The following ARHGAP8 variants were observed in gnomAD, a reference collection of about 807,000 sequenced individuals.
ARHGAP8 encodes the protein Rho GTPase activating protein 8, also known as rho GTPase-activating protein 8.
Under a neutral mutation model 46.1 loss-of-function variants are expected in ARHGAP8, and 62 were observed. The ratio of observed to expected loss-of-function variants is 1.34; its 90% CI spans 1.10 to 1.66. The LOEUF is 1.66. Among genes scored for constraint, ARHGAP8 ranks in the 40% most tolerant of loss-of-function variants. The pLI is 0.00. For missense variants in ARHGAP8, 923 were observed against 568.4 expected (o/e 1.62, Z -6.34); for synonymous variants, 375 against 243.1 (o/e 1.54, Z -5.05).
At chr22:44,823,585 G>C (rs575109805) in intron 6 of ARHGAP8, among the ~76,000 whole-genome samples, 1 of 152,210 alleles carries the variant, frequency 6.6e-6, no homozygotes, top group South Asian at 2.1e-4. Flanking sequence ...AGGATGATGG[G>C]AATCCCTGGT....
At chr22:44,795,010 C>T (rs965707170) in intron 2 of ARHGAP8, among the ~76,000 whole-genome samples, 3 of 148,762 alleles carry the variant, frequency 2.0e-5, no homozygotes, top group Admixed American at 1.3e-4. Context: ...CACTGCACTC[C>T]AGCCTGGGTG....
At position 44,862,492 on chromosome 22, in the gene ARHGAP8, G is replaced by C. The variant is rs778473188; in HGVS notation, c.1199G>C (p.Arg400Thr). The C allele has an allele frequency of 6.2e-7, 1 of 1,613,612 alleles. No homozygotes were observed. The highest frequency in any genetic ancestry group is 8.5e-7 in the Non-Finnish European group (1 of 1,179,696). The part of the protein sequence containing the change: ...HGLAPWEQGS[R>T]AAPLQEAVPR... ...CTGGCACCATGGGAACAGGGGAGCA[G>C]GGCAGCCCCTTTGCAGGAGGCTGTG... The change falls in exon 12 of 12, where the codon AGG (arginine) becomes ACG (threonine). Residue 400 changes from arginine to threonine, a missense_variant. Transcript: ENST00000356099.
chr22:44,843,144 A>G (rs1931760835), intron 7 of ARHGAP8, among the ~76,000 whole-genome samples: 1 of 152,184 alleles, frequency 6.6e-6, no homozygotes, highest in African/African-American at 2.4e-5. Flanking sequence ...TTCCTTATCC[A>G]TGAAGTGGGT....
At chr22:44,814,812 G>T in intron 5 of ARHGAP8, 54 bp downstream of exon 5, 1 of 1,593,346 alleles carries the variant, frequency 6.3e-7, no homozygotes, top group Non-Finnish European at 8.6e-7. Flanking sequence ...TCACCCCTCA[G>T]GGTCCATGGG....
At chr22:44,839,783 T>G (rs187097206) in intron 7 of ARHGAP8, among the ~76,000 whole-genome samples, 1 of 152,342 alleles carries the variant, frequency 6.6e-6, no homozygotes, top group Admixed American at 6.5e-5. Flanking sequence ...CCGTTACCTG[T>G]TACCACTTCA....
At chr22:44,827,341 T>TTTTTG (rs1930600933) in intron 7 of ARHGAP8, among the ~76,000 whole-genome samples, 1 of 102,530 alleles carries the variant, frequency 9.8e-6, no homozygotes, top group Non-Finnish European at 1.9e-5. Flanking sequence ...TGGTGGTTTT[T>TTTTTG]TTTTTTTTTT....
chr22:44,857,373 C>A (rs1379230418), intron 10 of ARHGAP8, among the ~76,000 whole-genome samples: 2 of 152,162 alleles, frequency 1.3e-5, no homozygotes, highest in African/African-American at 2.4e-5. Flanking sequence ...GGGTCAAAAT[C>A]TTTTCCTTCT....
chr22:44,858,843 A>G (rs1341837328), intron 10 of ARHGAP8, among the ~76,000 whole-genome samples: 2 of 151,418 alleles, frequency 1.3e-5, no homozygotes, highest in African/African-American at 4.9e-5. Flanking sequence ...AATCCTGAGC[A>G]GGCAGTTCGT....
chr22:44,756,594 A>G (rs1295820666), intron 1 of ARHGAP8, among the ~76,000 whole-genome samples: 1 of 11,588 alleles, frequency 8.6e-5, no homozygotes, highest in African/African-American at 3.3e-4. Flanking sequence ...CCCCCACCCC[A>G]TACACCTACC....
chr22:44,857,860 T>C (rs551169323), intron 10 of ARHGAP8, among the ~76,000 whole-genome samples: 50 of 152,224 alleles, frequency 3.3e-4, no homozygotes, highest in Non-Finnish European at 6.8e-4. Flanking sequence ...TGCTCCCTCA[T>C]AGGGAGTGCT....
rs1341066427 is a variant in ARHGAP8, at chr22:44,859,854, G to A, written c.981+20G>A. ...CATGCGGTGAGTGGGGAAGGGGGGA[G>A]CTTGGGGTGAAGCCCAGTGGCCTTC... On this transcript the variant is annotated intron_variant, in intron 11 of 11. Transcript: ENST00000356099. 3 of 1,610,434 alleles carry A rather than the reference G, an allele frequency of 1.9e-6. No individual in the cohort carries two copies. The highest frequency in any genetic ancestry group is 2.7e-5 in the African/African-American group (2 of 74,790).
chr22:44,786,269 G>A (rs1020187330), intron 1 of ARHGAP8, among the ~76,000 whole-genome samples, 188 bp from the exon 2 acceptor site: 1 of 151,340 alleles, frequency 6.6e-6, no homozygotes, highest in African/African-American at 2.4e-5. Context: ...CTGGGTGCTC[G>A]GCTGAGGCAG....
chr22:44,845,304 CT>C lies in ARHGAP8; in HGVS notation c.633del (p.Val212CysfsTer2), dbSNP rs773117999. On this transcript the variant is annotated frameshift_variant, in exon 8 of 12. Coordinates refer to ENST00000356099, the MANE Select transcript of ARHGAP8 (RefSeq NM_181335.3). LOFTEE classifies it high-confidence loss of function. ...KDKNQGELIP[P>X]VLRFTVTYLR... ...AAAAATCAAGGCGAACTCATCCCCCCTGTGCTGAGGTTCACAGTGACGTACC... is the reference window on the plus strand; with the variant it reads ...AAAAATCAAGGCGAACTCATCCCCCCGTGCTGAGGTTCACAGTGACGTACC... 5 of 1,614,174 alleles carry C rather than the reference CT, an allele frequency of 3.1e-6. No homozygotes were observed. Among genetic ancestry groups the C allele is most frequent in the East Asian group, 2.2e-5 (1 of 44,880 alleles).
intron 7 of ARHGAP8, among the ~76,000 whole-genome samples, chr22:44,837,813 G>A (rs1237905133): frequency 1.3e-5 from 2 of 152,066 alleles, no homozygotes; most frequent in Admixed American, 1.3e-4. Flanking sequence ...GAGTAGATGT[G>A]GGTGCTCCTC....
intron 1 of ARHGAP8, among the ~76,000 whole-genome samples, chr22:44,753,997 C>T (rs1262221947): frequency 1.3e-5 from 2 of 152,294 alleles, no homozygotes; most frequent in South Asian, 2.1e-4. Context: ...ACTAACCATT[C>T]CCCAAACCAA....
intron 5 of ARHGAP8, among the ~76,000 whole-genome samples, chr22:44,819,397 C>T (rs1173185706): frequency 1.3e-5 from 2 of 151,904 alleles, no homozygotes; most frequent in Non-Finnish European, 2.9e-5. Context: ...GTTGGCTGGG[C>T]GTGGTGGCTC....
At chr22:44,786,694 C>A in intron 2 of ARHGAP8, 88 bp downstream of exon 2, 1 of 1,492,016 alleles carries the variant, frequency 6.7e-7, no homozygotes, top group Non-Finnish European at 9.0e-7. Flanking sequence ...TCGTCAGGGG[C>A]TGCCTCACTG....
intron 1 of ARHGAP8, among the ~76,000 whole-genome samples, chr22:44,770,366 C>T (rs1925908821): frequency 1.3e-5 from 2 of 151,316 alleles, no homozygotes; most frequent in Non-Finnish European, 2.9e-5. Context: ...GAGTCATCTG[C>T]CAGGAATGCA....
chr22:44,820,308 A>C (rs1157247697), intron 5 of ARHGAP8, among the ~76,000 whole-genome samples: 1 of 152,166 alleles, frequency 6.6e-6, no homozygotes, highest in Admixed American at 6.5e-5. Context: ...GGGAGGTTGC[A>C]GAGAGGAAGG....
Sources: gnomAD v4.1 joint callset for allele counts (sites outside exome capture counted in the v4.1 genomes callset) on GRCh38, gnomAD v4.1.1 for gene constraint, MANE v1.5 for transcripts, NCBI Gene and HGNC (gene_info 2026-07-23, HGNC 2026-07-21) for gene names.